STAC: variants seen among roughly 807,000 people sequenced by gnomAD.
The protein encoded by STAC is SH3 and cysteine-rich domain-containing protein.
Under a neutral mutation model 48.8 loss-of-function variants are expected in STAC, and 43 were observed. The observed-to-expected ratio is 0.88, with a 90% CI of 0.69 to 1.14. The LOEUF is 1.14. Ranked by LOEUF, STAC falls within the 50% of genes most tolerant of loss-of-function variation. The pLI is 0.00. For synonymous variants in STAC, 193 were observed against 179.5 expected (o/e 1.07, Z -0.60); for missense variants, 497 against 504.0 (o/e 0.99, Z 0.13).
chr3:36,445,223 A>C (rs1349491654), intron 2 of STAC, among the ~76,000 whole-genome samples: 1 of 152,172 alleles, frequency 6.6e-6, no homozygotes, highest in Non-Finnish European at 1.5e-5. Context: ...GTACAACAAC[A>C]ATTTTGAAAG....
intron 1 of STAC, among the ~76,000 whole-genome samples, chr3:36,405,294 A>G (rs751817816): frequency 6.6e-6 from 1 of 152,156 alleles, no homozygotes; most frequent in Non-Finnish European, 1.5e-5. Context: ...ACACTCCCCA[A>G]GTGTTCCAAC....
chr3:36,432,374 C>T (rs1181781738), intron 1 of STAC, among the ~76,000 whole-genome samples: 1 of 152,188 alleles, frequency 6.6e-6, no homozygotes, highest in Admixed American at 6.5e-5. Context: ...GTATGAAAGG[C>T]TCCTCTATCT....
chr3:36,507,879 T>C (rs1698442345), intron 8 of STAC, among the ~76,000 whole-genome samples: 1 of 152,220 alleles, frequency 6.6e-6, no homozygotes, highest in African/African-American at 2.4e-5. Flanking sequence ...AGCTCCTGGA[T>C]TCATTGATGT....
At chr3:36,508,404 G>A (rs1430536640) in intron 8 of STAC, among the ~76,000 whole-genome samples, 1 of 152,120 alleles carries the variant, frequency 6.6e-6, no homozygotes, top group African/African-American at 2.4e-5. Context: ...CTGTTGATTG[G>A]GGGTTGAGAG....
chr3:36,486,478 G>A (rs1697819722), intron 5 of STAC, among the ~76,000 whole-genome samples: 1 of 152,094 alleles, frequency 6.6e-6, no homozygotes, highest in Non-Finnish European at 1.5e-5. Context: ...CATCCCCTTG[G>A]CCTCATGCTC....
intron 10 of STAC, among the ~76,000 whole-genome samples, chr3:36,531,782 T>C (rs1298614305): frequency 5.9e-5 from 9 of 152,186 alleles, no homozygotes; most frequent in Non-Finnish European, 1.3e-4. Flanking sequence ...CTGGCACCTG[T>C]GGTGCAATTA....
intron 5 of STAC, among the ~76,000 whole-genome samples, chr3:36,486,673 T>G (rs1029765529): frequency 3.9e-5 from 6 of 152,208 alleles, no homozygotes; most frequent in Admixed American, 6.5e-5. Context: ...TCTTTTGTCT[T>G]TTCTCTCTAA....
chr3:36,419,947 C>G (rs934046497), intron 1 of STAC, among the ~76,000 whole-genome samples: 1 of 152,134 alleles, frequency 6.6e-6, no homozygotes, highest in African/African-American at 2.4e-5. Context: ...ATTTTATTTT[C>G]TATTTCTGGA....
rs1696900576 is a variant in STAC, at chr3:36,458,049, G to T, written c.388+14409G>T. Among the ~76,000 whole-genome samples, 2 of 152,174 alleles carry T rather than the reference G, an allele frequency of 1.3e-5. 1 individual carries two copies. Among genetic ancestry groups the T allele is most frequent in the South Asian group, 4.1e-4 (2 of 4,820 alleles). On this transcript the variant is annotated intron_variant, in intron 2 of 10. Transcript: ENST00000273183. ...AAGCTAAGACAGGGTTGGAAAAGAT[G>T]TAGTAGAGCAAGGAGTGGGGAACAT...
At chr3:36,534,308 A>G (rs565759129) in intron 10 of STAC, among the ~76,000 whole-genome samples, 14 of 152,268 alleles carry the variant, frequency 9.2e-5, no homozygotes, top group African/African-American at 3.4e-4. Context: ...GGCCACCACA[A>G]ATGCATAGCA....
At chr3:36,438,477 T>C (rs991256469) in intron 1 of STAC, among the ~76,000 whole-genome samples, 17 of 152,250 alleles carry the variant, frequency 1.1e-4, no homozygotes, top group Admixed American at 3.9e-4. Context: ...GCATTTCATA[T>C]GTTCTCATCT....
chr3:36,447,784 T>C (rs1273532386), intron 2 of STAC, among the ~76,000 whole-genome samples: 2 of 152,144 alleles, frequency 1.3e-5, no homozygotes, highest in Non-Finnish European at 2.9e-5. Flanking sequence ...AAAAAGTAAA[T>C]GTCAACTCTG....
At chr3:36,399,566 C>T (rs1699959484) in intron 1 of STAC, among the ~76,000 whole-genome samples, 1 of 152,134 alleles carries the variant, frequency 6.6e-6, no homozygotes, top group Non-Finnish European at 1.5e-5. Context: ...TAGCACTTGG[C>T]AAGATTTCAT....
chr3:36,419,337 TG>T (rs1336853129), intron 1 of STAC, among the ~76,000 whole-genome samples: 2 of 152,208 alleles, frequency 1.3e-5, no homozygotes, highest in Admixed American at 6.5e-5. Flanking sequence ...TTTATTTAAT[TG>T]GAACATAACC....
chr3:36,530,068 C>T (rs911455714), intron 10 of STAC, among the ~76,000 whole-genome samples: 1 of 152,172 alleles, frequency 6.6e-6, no homozygotes, highest in Non-Finnish European at 1.5e-5. Flanking sequence ...TGCAGTGAGC[C>T]GAGATCGTGC....
intron 1 of STAC, among the ~76,000 whole-genome samples, chr3:36,414,611 T>C (rs1056307661): frequency 1.1e-4 from 17 of 152,218 alleles, no homozygotes; most frequent in African/African-American, 1.9e-4. Flanking sequence ...TTCTTTGCGA[T>C]GGGTTCGAAC....
At chr3:36,433,074 T>C (rs1296178618) in intron 1 of STAC, among the ~76,000 whole-genome samples, 1 of 152,078 alleles carries the variant, frequency 6.6e-6, no homozygotes, top group Non-Finnish European at 1.5e-5. Flanking sequence ...TGATAACATA[T>C]TACACATGCT....
At chr3:36,466,427 G>C (rs1222587157) in intron 2 of STAC, among the ~76,000 whole-genome samples, 1 of 151,942 alleles carries the variant, frequency 6.6e-6, no homozygotes, top group Non-Finnish European at 1.5e-5. Flanking sequence ...TTTTTTTCTA[G>C]TTCTGTGAAG....
At chr3:36,498,597 T>A (rs1193422714) in intron 6 of STAC, among the ~76,000 whole-genome samples, 1 of 151,928 alleles carries the variant, frequency 6.6e-6, no homozygotes, top group Non-Finnish European at 1.5e-5. Flanking sequence ...TTACAAAAAA[T>A]ACAAAATTAG....
Sources: allele counts gnomAD v4.1 joint callset (sites outside exome capture counted in the v4.1 genomes callset), GRCh38; gene constraint gnomAD v4.1.1; transcripts MANE v1.5; gene names NCBI Gene and HGNC (gene_info 2026-07-23, HGNC 2026-07-21).